The following PLCG2 variants were observed in gnomAD, a reference collection of about 807,000 sequenced individuals.
PLCG2 encodes the protein phospholipase C gamma 2.
PLCG2 carries 69 observed loss-of-function variants against 175.6 expected under a neutral mutation model. The ratio of observed to expected loss-of-function variants is 0.39; its 90% confidence interval spans 0.32 to 0.48. The LOEUF (loss-of-function observed/expected upper bound fraction) is 0.48. Among genes scored for constraint, PLCG2 ranks in the 20% least tolerant of loss-of-function variants. PLCG2 has a pLI of 0.91. For missense variants in PLCG2, 1,798 were observed against 1,650.9 expected (o/e 1.09, Z -1.54); for synonymous variants, 827 against 624.0 (o/e 1.33, Z -4.85).
intron 1 of PLCG2, among the ~76,000 whole-genome samples, chr16:81,781,807 G>A (rs1910743758): frequency 6.6e-6 from 1 of 152,158 alleles, no homozygotes; most frequent in African/African-American, 2.4e-5. Context: ...GAGCACTGAA[G>A]AGACAAAAAC....
intron 4 of PLCG2, 122 bp downstream of exon 4, chr16:81,858,478 G>C: frequency 1.4e-6 from 1 of 729,956 alleles, no homozygotes; most frequent in East Asian, 2.6e-5. Flanking sequence ...GAGGCTCGTT[G>C]AGTGTCTTGT....
At chr16:81,925,859 C>T (rs570780345) in intron 22 of PLCG2, among the ~76,000 whole-genome samples, 4 of 146,568 alleles carry the variant, frequency 2.7e-5, no homozygotes, top group African/African-American at 5.1e-5. Flanking sequence ...GCACTCCAGC[C>T]TGGGGGACAG....
intron 1 of PLCG2, among the ~76,000 whole-genome samples, chr16:81,783,868 T>G (rs1910854257): frequency 6.6e-6 from 1 of 152,166 alleles, no homozygotes; most frequent in African/African-American, 2.4e-5. Flanking sequence ...CCTCCTAGCC[T>G]TTGCTTAAAC....
intron 2 of PLCG2, among the ~76,000 whole-genome samples, chr16:81,803,954 T>A (rs1911877371): frequency 6.6e-6 from 1 of 152,214 alleles, no homozygotes; most frequent in Non-Finnish European, 1.5e-5. Context: ...GTGCTGGGAT[T>A]ACAGGTATGA....
At chr16:81,955,993 G>A (rs1011022301) in intron 31 of PLCG2, among the ~76,000 whole-genome samples, 1 of 152,100 alleles carries the variant, frequency 6.6e-6, no homozygotes, top group African/African-American at 2.4e-5. Context: ...TACAGTCATG[G>A]CCACAATCAA....
chr16:81,940,879 T>C (rs997092589), intron 30 of PLCG2, among the ~76,000 whole-genome samples: 3 of 152,210 alleles, frequency 2.0e-5, no homozygotes, highest in Non-Finnish European at 4.4e-5. Context: ...ATTTGACAAA[T>C]AGGCCCTTGC....
intron 2 of PLCG2, among the ~76,000 whole-genome samples, chr16:81,834,107 C>G (rs1169999954): frequency 1.3e-5 from 2 of 152,314 alleles, no homozygotes; most frequent in South Asian, 2.1e-4. Flanking sequence ...ACCCTGGTGT[C>G]TTTGGCATCA....
At chr16:81,843,675 A>G (rs190480054) in intron 2 of PLCG2, among the ~76,000 whole-genome samples, 1 of 152,364 alleles carries the variant, frequency 6.6e-6, no homozygotes, top group Admixed American at 6.5e-5. Flanking sequence ...ATGTTTCTGA[A>G]TTAGGATATT....
chr16:81,946,311 G>A, intron 31 of PLCG2, 48 bp downstream of exon 31: 1 of 1,395,094 alleles, frequency 7.2e-7, no homozygotes, highest in Non-Finnish European at 1.0e-6. Context: ...ATGCCTGCTG[G>A]TGAGGGTAGA....
chr16:81,935,593 T>A, intron 26 of PLCG2: 1 of 985,278 alleles, frequency 1.0e-6, no homozygotes, highest in Non-Finnish European at 1.2e-6. Flanking sequence ...GGGAGGCCAG[T>A]CCCTAGGAAC....
intron 2 of PLCG2, among the ~76,000 whole-genome samples, chr16:81,796,705 C>G (rs1424719537): frequency 3.9e-5 from 6 of 152,124 alleles, no homozygotes; most frequent in Non-Finnish European, 8.8e-5. Context: ...GAGAGAGACA[C>G]AGGGAGAGAA....
rs546531752 is a variant in PLCG2 at position 81,824,909 on chromosome 16, A to G, written c.194-29535A>G. Among the ~76,000 whole-genome samples, 120 of 152,308 alleles carry G rather than the reference A, an allele frequency of 7.9e-4. 1 individual carries two copies. In the South Asian group the frequency reaches 0.011, roughly 14 times the overall value. On this transcript the variant is annotated intron_variant, in intron 2 of 32. Transcript: ENST00000564138. Reference sequence around the variant, plus strand: ...CTCCTGCATGACCCAGGTAGGCCCAATGTAATTACAAGGATCTTTAAAAGA... The same window carrying G: ...CTCCTGCATGACCCAGGTAGGCCCAGTGTAATTACAAGGATCTTTAAAAGA...
upstream of PLCG2, among the ~76,000 whole-genome samples, chr16:81,776,083 C>CTTTCTTTCTTGCTTGCTT: frequency 1.2e-5 from 1 of 81,848 alleles, no homozygotes; most frequent in Admixed American, 1.2e-4. Flanking sequence ...TTCTCTCTCT[C>CTTTCTTTCTTGCTTGCTT]TCTCTCTTTC....
intron 13 of PLCG2, among the ~76,000 whole-genome samples, chr16:81,899,801 C>T (rs1461842423): frequency 2.6e-5 from 4 of 152,154 alleles, no homozygotes; most frequent in Non-Finnish European, 5.9e-5. Flanking sequence ...TGGCTGTGAG[C>T]CCAGTGTCAG....
At chr16:81,894,560 G>A (rs778997305) in intron 12 of PLCG2, among the ~76,000 whole-genome samples, 1 of 152,182 alleles carries the variant, frequency 6.6e-6, no homozygotes, top group African/African-American at 2.4e-5. Context: ...AAAGGCTCAT[G>A]GGTGCATTTG....
chr16:81,940,178 C>T, intron 30 of PLCG2, 119 bp downstream of exon 30: 3 of 872,430 alleles, frequency 3.4e-6, no homozygotes, highest in Non-Finnish European at 5.3e-6. Context: ...CACTGTAAAA[C>T]CGATTGGGTG....
chr16:81,807,035 C>G lies in PLCG2; in HGVS notation c.193+20853C>G, dbSNP rs938634966. Reference sequence around the variant, plus strand: ...TGGCCCCTCGGGCTGCTCTGGTTGGCTTTCTCCTGAGTCGTCCATTCTACC... The same window carrying G: ...TGGCCCCTCGGGCTGCTCTGGTTGGGTTTCTCCTGAGTCGTCCATTCTACC... On this transcript the variant is annotated intron_variant, in intron 2 of 32. Transcript: ENST00000564138. 3.9e-5 allele frequency among the ~76,000 whole-genome samples: 6 copies of G among 152,254 alleles called. No homozygotes were observed. The East Asian group carries it at 1.2e-3, about 29-fold the overall frequency.
At chr16:81,839,622 T>C (rs1277020100) in intron 2 of PLCG2, among the ~76,000 whole-genome samples, 1 of 152,220 alleles carries the variant, frequency 6.6e-6, no homozygotes. Context: ...TTTCATAGTT[T>C]AGAGGTGCCA....
intron 9 of PLCG2, among the ~76,000 whole-genome samples, chr16:81,885,082 T>G (rs1432204619): frequency 6.6e-6 from 1 of 151,090 alleles, no homozygotes; most frequent in African/African-American, 2.4e-5. Context: ...GATAGAGTCT[T>G]GCTCTGTCAC....
Sources: allele counts gnomAD v4.1 joint callset (sites outside exome capture counted in the v4.1 genomes callset), GRCh38; gene constraint gnomAD v4.1.1; transcripts MANE v1.5; gene names NCBI Gene and HGNC (gene_info 2026-07-23, HGNC 2026-07-21).